SOX5: variants seen among roughly 807,000 people sequenced by gnomAD.
SOX5 encodes the protein transcription factor SOX-5.
A neutral mutation model predicts 92.0 loss-of-function variants in SOX5; 9 were observed. That is an observed-to-expected ratio of 0.10 (90% CI 0.06 to 0.17). SOX5 has a LOEUF of 0.17. Among genes scored for constraint, SOX5 ranks in the 10% least tolerant of loss-of-function variants. The pLI is 1.00. For synonymous variants in SOX5, 344 were observed against 336.3 expected (o/e 1.02, Z -0.25); for missense variants, 642 against 944.5 (o/e 0.68, Z 4.20).
intron 4 of SOX5, among the ~76,000 whole-genome samples, chr12:23,999,390 A>G (rs375263880): frequency 6.6e-6 from 1 of 152,134 alleles, no homozygotes; most frequent in East Asian, 1.9e-4. Context: ...AGTATACAAC[A>G]TGGTCACTAT....
intron 1 of SOX5, among the ~76,000 whole-genome samples, chr12:24,511,680 C>T (rs1211169042): frequency 2.0e-5 from 3 of 151,942 alleles, no homozygotes; most frequent in Non-Finnish European, 2.9e-5. Context: ...TTTTTGCGGC[C>T]GGGCGCAGTG....
chr12:23,786,704 A>G (rs1328877515), intron 3 of SOX5, among the ~76,000 whole-genome samples: 1 of 145,568 alleles, frequency 6.9e-6, no homozygotes, highest in Admixed American at 6.7e-5. Flanking sequence ...CACAAATGAG[A>G]TACATTTGAA....
At chr12:23,838,794 G>T (rs1191184610) in intron 3 of SOX5, among the ~76,000 whole-genome samples, 3 of 134,368 alleles carry the variant, frequency 2.2e-5, no homozygotes, top group African/African-American at 8.5e-5. Context: ...TACCCAAGTT[G>T]TTCTTACTAG....
At chr12:24,152,261 C>T (rs1951732083) in intron 4 of SOX5, among the ~76,000 whole-genome samples, 1 of 152,172 alleles carries the variant, frequency 6.6e-6, no homozygotes, top group South Asian at 2.1e-4. Flanking sequence ...AAGCATATTA[C>T]AGCATTTCAC....
intron 3 of SOX5, among the ~76,000 whole-genome samples, chr12:24,245,142 G>C (rs1215034465): frequency 6.6e-6 from 1 of 151,622 alleles, no homozygotes; most frequent in Non-Finnish European, 1.5e-5. Context: ...ATTTTATATG[G>C]CTTTATGTAA....
intron 4 of SOX5, among the ~76,000 whole-genome samples, chr12:24,186,143 A>G (rs1189201570): frequency 6.6e-6 from 1 of 152,138 alleles, no homozygotes; most frequent in African/African-American, 2.4e-5. Flanking sequence ...ACCAGGCAGA[A>G]ACAAAAATAA....
intron 2 of SOX5, among the ~76,000 whole-genome samples, chr12:24,361,555 A>T (rs1313554041): frequency 6.6e-6 from 1 of 150,476 alleles, no homozygotes; most frequent in Non-Finnish European, 1.5e-5. Context: ...CAGGTACTCT[A>T]AGTATTCTGC....
intron 3 of SOX5, among the ~76,000 whole-genome samples, chr12:23,762,014 C>A (rs1031230724): frequency 6.6e-6 from 1 of 152,034 alleles, no homozygotes; most frequent in Non-Finnish European, 1.5e-5. Flanking sequence ...GAAGATTGAG[C>A]TAAATCTGGA....
At position 23,533,274 on chromosome 12, in the gene SOX5, C is replaced by T. The variant is rs1431418500; in HGVS notation, c.*945G>A. On this transcript the variant is annotated 3_prime_UTR_variant, in exon 15 of 15. Coordinates refer to ENST00000451604, the MANE Select transcript of SOX5 (RefSeq NM_006940.6). ...ATACATACACACAAAAATCCAAGAT[C>T]AGAAAATATTTTTCTCTAAATTTCT... The T allele has an allele frequency of 5.0e-6, 2 of 402,024 alleles. No homozygotes were observed. The highest frequency in any genetic ancestry group is 1.0e-5 in the Non-Finnish European group (2 of 191,984). The allele number at this position is 402,024 out of a possible 1,614,324, so 24.9% of individuals were successfully genotyped here. A position where few individuals can be genotyped will look rare whatever the true frequency, so the allele number is the denominator to read the frequency against.
chr12:23,759,326 A>G (rs2094501986), intron 3 of SOX5, among the ~76,000 whole-genome samples: 1 of 152,042 alleles, frequency 6.6e-6, no homozygotes, highest in African/African-American at 2.4e-5. Flanking sequence ...CAATGAAATT[A>G]ATTTTACTTA....
chr12:24,220,121 A>T (rs1960051121), intron 3 of SOX5, among the ~76,000 whole-genome samples: 1 of 152,114 alleles, frequency 6.6e-6, no homozygotes, highest in Admixed American at 6.6e-5. Context: ...CAGATATTGT[A>T]ATGTATATAA....
intron 1 of SOX5, among the ~76,000 whole-genome samples, chr12:24,479,453 C>G (rs1566267633): frequency 6.6e-6 from 1 of 152,186 alleles, no homozygotes; most frequent in Non-Finnish European, 1.5e-5. Context: ...ATCTTTGCAA[C>G]AACCGTTTTG....
At chr12:23,931,914 G>C (rs1295960303) in intron 1 of SOX5, among the ~76,000 whole-genome samples, 1 of 151,526 alleles carries the variant, frequency 6.6e-6, no homozygotes, top group Non-Finnish European at 1.5e-5. Context: ...CTTCAGAGTA[G>C]ACATTATGAA....
intron 4 of SOX5, among the ~76,000 whole-genome samples, chr12:24,032,524 T>C (rs190149503): frequency 1.3e-5 from 2 of 151,952 alleles, no homozygotes; most frequent in Non-Finnish European, 2.9e-5. Context: ...AATCTATAAT[T>C]ATAGGTAACA....
intron 1 of SOX5, among the ~76,000 whole-genome samples, chr12:24,416,134 G>A (rs772453830): frequency 1.3e-5 from 2 of 152,208 alleles, no homozygotes; most frequent in Non-Finnish European, 2.9e-5. Flanking sequence ...AGGCCCTGCT[G>A]GCAGGCCCAA....
rs1568746950 is a variant in SOX5 at position 23,897,026 on chromosome 12, AAAT to A, written c.39-1005_39-1003del. Among the ~76,000 whole-genome samples the A allele has an allele frequency of 3.9e-5, 6 of 152,308 alleles. No homozygotes were observed. The East Asian group carries it at 1.2e-3, about 29-fold the overall frequency. ...TCCTTTCATTAAATTATTCCCATAG[AAAT>A]AATGACAAGTTAAAATATTTAATTT... On this transcript the variant is annotated intron_variant, in intron 1 of 14. Transcript: ENST00000451604.
chr12:24,211,932 G>A (rs1473295271), intron 4 of SOX5, among the ~76,000 whole-genome samples: 1 of 152,160 alleles, frequency 6.6e-6, no homozygotes, highest in African/African-American at 2.4e-5. Context: ...CATCCACAAC[G>A]TTTAGCTTCA....
chr12:23,848,858 G>C (rs2096601641), intron 2 of SOX5, among the ~76,000 whole-genome samples: 1 of 152,150 alleles, frequency 6.6e-6, no homozygotes, highest in Non-Finnish European at 1.5e-5. Flanking sequence ...AATCATAAAA[G>C]AGGTCTCTAA....
chr12:24,012,761 T>C (rs867048058), intron 4 of SOX5, among the ~76,000 whole-genome samples: 7 of 152,118 alleles, frequency 4.6e-5, no homozygotes, highest in Non-Finnish European at 8.8e-5. Flanking sequence ...GGCAGAATAT[T>C]AGAGGTTACA....
Sources: gnomAD v4.1 joint callset for allele counts (sites outside exome capture counted in the v4.1 genomes callset) on GRCh38, gnomAD v4.1.1 for gene constraint, MANE v1.5 for transcripts, NCBI Gene and HGNC (gene_info 2026-07-23, HGNC 2026-07-21) for gene names.